The following STMP1 variants were observed in gnomAD, a reference collection of about 807,000 sequenced individuals.
STMP1 encodes mitolamban.
Under a neutral mutation model 7.0 loss-of-function variants are expected in STMP1, and 7 were observed. The ratio of observed to expected loss-of-function variants is 1.01; its 90% CI spans 0.57 to 1.89. The LOEUF is 1.89. STMP1 is among the 40% of genes most tolerant of loss of function. The pLI, the probability that STMP1 is intolerant of heterozygous loss-of-function variation, is 0.00. For synonymous variants in STMP1, 19 were observed against 18.4 expected, an observed-to-expected ratio of 1.03 and a Z score of -0.08; for missense variants, 45 against 53.0, an observed-to-expected ratio of 0.85 and a Z score of 0.47.
intron 1 of STMP1, among the ~76,000 whole-genome samples, chr7:135,666,904 T>C (rs3110794): frequency 0.53 from 80,849 of 151,944 alleles, 22,120 homozygotes; most frequent in East Asian, 0.74. Context: ...ATTGCTGCAT[T>C]ATGTGGTATC....
chr7:135,667,535 T>A (rs887520575), intron 1 of STMP1, among the ~76,000 whole-genome samples: 5 of 152,166 alleles, frequency 3.3e-5, no homozygotes, highest in Non-Finnish European at 7.4e-5. Context: ...TTAAATTGAG[T>A]TTTTTTGTGT....
intron 1 of STMP1, among the ~76,000 whole-genome samples, chr7:135,664,498 C>G (rs1370537174): frequency 6.6e-6 from 1 of 151,838 alleles, no homozygotes; most frequent in Non-Finnish European, 1.5e-5. Context: ...GGACTACAGG[C>G]CCGCACTACC....
At chr7:135,673,057 G>T (rs1795372993) in intron 2 of STMP1, 2 of 469,134 alleles carry the variant, frequency 4.3e-6, no homozygotes, top group Non-Finnish European at 7.6e-6. Flanking sequence ...CCTCAGCTGT[G>T]GCTTGTTAGC....
chr7:135,664,528 A>G (rs573106685), intron 1 of STMP1, among the ~76,000 whole-genome samples: 1 of 149,132 alleles, frequency 6.7e-6, no homozygotes, highest in South Asian at 2.1e-4. Flanking sequence ...TAATTTTAAA[A>G]TTTTTTTTTT....
rs942073717 is a variant in STMP1, at chr7:135,662,566, T to C, written c.-14T>C. 1.3e-6 allele frequency: 2 copies of C among 1,547,008 alleles called. No individual in the cohort carries two copies. The highest frequency in any genetic ancestry group is 2.5e-5 in the East Asian group (1 of 40,170). On this transcript the variant is annotated 5_prime_UTR_variant, in exon 1 of 3. Coordinates refer to ENST00000507606, the MANE Select transcript of STMP1 (RefSeq NM_001130929.2). ...GCAGTCCTTCGCGCCCTCCTCGCCCTCCCCACCGACATCATGCTCCAGTTC... is the reference window on the plus strand; with the variant it reads ...GCAGTCCTTCGCGCCCTCCTCGCCCCCCCCACCGACATCATGCTCCAGTTC...
chr7:135,663,368 C>T (rs549594086), intron 1 of STMP1, among the ~76,000 whole-genome samples: 13 of 151,872 alleles, frequency 8.6e-5, no homozygotes, highest in Non-Finnish European at 1.8e-4. Context: ...TTTTTTGAGA[C>T]GGAGTCTCGC....
chr7:135,672,974 C>A, intron 2 of STMP1, 168 bp downstream of exon 2: 1 of 625,930 alleles, frequency 1.6e-6, no homozygotes, highest in Non-Finnish European at 2.8e-6. Context: ...AGTAATCCAA[C>A]TCATGAAACA....
At chr7:135,672,726 A>T (rs1241897566) in intron 1 of STMP1, 27 bp from the exon 2 acceptor site, 6 of 1,535,856 alleles carry the variant, frequency 3.9e-6, no homozygotes. Context: ...GGCATGCACT[A>T]TAACTCTTAC....
At chr7:135,673,909 G>A (rs1795382365) in intron 2 of STMP1, among the ~76,000 whole-genome samples, 182 bp from the exon 3 acceptor site, 1 of 152,170 alleles carries the variant, frequency 6.6e-6, no homozygotes, top group South Asian at 2.1e-4. Context: ...TTGCCCTCCA[G>A]CCTGAGTGAC....
intron 1 of STMP1, among the ~76,000 whole-genome samples, chr7:135,671,948 C>A (rs2129493332): frequency 6.6e-6 from 1 of 152,308 alleles, no homozygotes; most frequent in South Asian, 2.1e-4. Context: ...AGAGTCCCTT[C>A]ATTCTCTGAG....
chr7:135,667,713 T>C (rs1164168123), intron 1 of STMP1, among the ~76,000 whole-genome samples: 1 of 152,176 alleles, frequency 6.6e-6, no homozygotes, highest in Non-Finnish European at 1.5e-5. Context: ...TTTTTTTGGT[T>C]ACTTGTACTT....
chr7:135,667,092 T>C (rs1470586546), intron 1 of STMP1, among the ~76,000 whole-genome samples: 1 of 152,282 alleles, frequency 6.6e-6, no homozygotes, highest in Non-Finnish European at 1.5e-5. Context: ...TTCCTCATTA[T>C]GGTTTTGCTT....
chr7:135,662,677 G>A (rs993964382), intron 1 of STMP1, 83 bp downstream of exon 1: 3 of 1,470,682 alleles, frequency 2.0e-6, no homozygotes, highest in African/African-American at 1.4e-5. Flanking sequence ...TGCCGACCCC[G>A]CCGACCCGGC....
intron 2 of STMP1, 62 bp downstream of exon 2, chr7:135,672,868 T>C (rs1795371441): frequency 7.3e-7 from 1 of 1,371,738 alleles, no homozygotes; most frequent in Admixed American, 2.0e-5. Context: ...GACTTTTCTT[T>C]GTTTGAGGTA....
At position 135,674,266 on chromosome 7, in the gene STMP1, A is replaced by G. The variant is rs11538328; in HGVS notation, c.*101A>G. On this transcript the variant is annotated 3_prime_UTR_variant, in exon 3 of 3. Transcript: ENST00000507606. ...AGCTTTTGTTTTCGTCTCCAGCCTCAGCACTTCTCTTCTTTGCTAGACCCT... is the reference window on the plus strand; with the variant it reads ...AGCTTTTGTTTTCGTCTCCAGCCTCGGCACTTCTCTTCTTTGCTAGACCCT... 1.1e-6 allele frequency: 1 copy of G among 932,238 alleles called. No homozygotes were observed. The highest frequency in any genetic ancestry group is 2.7e-5 in the East Asian group (1 of 37,162). 57.7% of individuals were successfully genotyped at this position (932,238 alleles called of 1,614,324 possible). A position where few individuals can be genotyped will look rare whatever the true frequency, so the allele number is the denominator to read the frequency against.
chr7:135,674,141 C>T lies in STMP1; in HGVS notation c.120C>T (p.Ala40=). The change falls in exon 3 of 3, where the codon GCC becomes GCT. Residue 40 remains alanine, a synonymous_variant. Transcript: ENST00000507606. The part of the protein sequence containing the change: ...KLEEIKKDLD[A]KKKPPSA ...AAGAAATTAAAAAGGACTTGGATGC[C>T]AAGAAGAAACCCCCTAGTGCATGAG... The T allele has an allele frequency of 6.4e-7, 1 of 1,550,748 alleles. No homozygotes were observed. Among genetic ancestry groups the T allele is most frequent in the Non-Finnish European group, 8.7e-7 (1 of 1,146,762 alleles).
At chr7:135,662,670 C>A in intron 1 of STMP1, 76 bp downstream of exon 1, 1 of 1,482,770 alleles carries the variant, frequency 6.7e-7, no homozygotes. Flanking sequence ...TGAGGATTGC[C>A]GACCCCGCCG....
Position 135,662,608 on chromosome 7 carries a change from C to T in STMP1, c.15+14C>T. The T allele has an allele frequency of 6.5e-7, 1 of 1,546,860 alleles. No individual in the cohort carries two copies. Among genetic ancestry groups the T allele is most frequent in the Non-Finnish European group, 8.7e-7 (1 of 1,145,044 alleles). On this transcript the variant is annotated intron_variant, in intron 1 of 2. Coordinates refer to ENST00000507606, the MANE Select transcript of STMP1 (RefSeq NM_001130929.2). ...CTCCAGTTCCTGGTGAGTGGAGCTGCCGAAGAGCGGGGCCCGCTGCCTGGG... is the reference window on the plus strand; with the variant it reads ...CTCCAGTTCCTGGTGAGTGGAGCTGTCGAAGAGCGGGGCCCGCTGCCTGGG...
rs1454438746 is a variant in STMP1, at chr7:135,675,157, A to T, written c.*992A>T. ...TGTATTGTTTTTAAATTAAAAAAAA[A>T]TTTGAATAATTAACTTTTGCCATGG... On this transcript the variant is annotated 3_prime_UTR_variant, in exon 3 of 3. Transcript: ENST00000507606. 2 of 148,460 alleles carry T rather than the reference A, an allele frequency of 1.3e-5. No individual in the cohort carries two copies. Among genetic ancestry groups the T allele is most frequent in the Admixed American group, 6.7e-5 (1 of 14,828 alleles). 9.2% of individuals were successfully genotyped at this position (148,460 alleles called of 1,614,324 possible). A position where few individuals can be genotyped will look rare whatever the true frequency, so the allele number is the denominator to read the frequency against.
Sources: allele counts gnomAD v4.1 joint callset (sites outside exome capture counted in the v4.1 genomes callset), GRCh38; gene constraint gnomAD v4.1.1; transcripts MANE v1.5; gene names NCBI Gene and HGNC (gene_info 2026-07-23, HGNC 2026-07-21).